KCNH1: variants seen among roughly 807,000 people sequenced by gnomAD.
KCNH1 encodes the protein voltage-gated delayed rectifier potassium channel KCNH1.
KCNH1 carries 27 observed loss-of-function variants against 69.2 expected under a neutral mutation model. The observed-to-expected ratio is 0.39, with a 90% confidence interval of 0.29 to 0.54. KCNH1 has a LOEUF of 0.54. Among genes scored for constraint, KCNH1 ranks in the 20% least tolerant of loss-of-function variants. The pLI is 0.68. For synonymous variants in KCNH1, 456 were observed against 487.7 expected (o/e 0.93, Z 0.86); for missense variants, 798 against 1,261.6 (o/e 0.63, Z 5.57).
chr1:210,918,326 G>C (rs1282084235), intron 7 of KCNH1, among the ~76,000 whole-genome samples: 1 of 152,130 alleles, frequency 6.6e-6, no homozygotes. Flanking sequence ...AAACAAGAAC[G>C]CAAGAGTCTT....
intron 10 of KCNH1, among the ~76,000 whole-genome samples, chr1:210,687,103 CA>C (rs1312531589): frequency 2.0e-5 from 3 of 152,206 alleles, no homozygotes; most frequent in African/African-American, 4.8e-5. Context: ...CATCAAAGGT[CA>C]GGGGCAGCCT....
At chr1:210,932,738 C>T (rs1432379293) in intron 6 of KCNH1, among the ~76,000 whole-genome samples, 1 of 151,870 alleles carries the variant, frequency 6.6e-6, no homozygotes, top group Non-Finnish European at 1.5e-5. Flanking sequence ...AAACTTTAAG[C>T]CAAAAACTGT....
At chr1:210,963,213 T>TA (rs1244848821) in intron 6 of KCNH1, among the ~76,000 whole-genome samples, 293 of 151,164 alleles carry the variant, frequency 1.9e-3, no homozygotes, top group African/African-American at 6.0e-3. Context: ...GAAGGAAAAC[T>TA]AAAAAAAACA....
rs61235458 is a variant in KCNH1, at chr1:210,869,484, C to CGTGTGTGTGT, written c.1462+50146_1462+50155dup. Among the ~76,000 whole-genome samples the CGTGTGTGTGT allele has an allele frequency of 1.8e-4, 25 of 137,018 alleles. 1 individual carries two copies. In the East Asian group the frequency reaches 2.5e-3, roughly 14 times the overall value. The allele number at this position is 137,018 out of a possible 152,430, so 89.9% of individuals were successfully genotyped here. A position where few individuals can be genotyped will look rare whatever the true frequency, so the allele number is the denominator to read the frequency against. On this transcript the variant is annotated intron_variant, in intron 7 of 10. Coordinates refer to ENST00000271751, the MANE Select transcript of KCNH1 (RefSeq NM_172362.3). Reference sequence around the variant, plus strand: ...ACTGATTTTTCTCCTAGTTATAAGTCGTGTGTGTGTGTGTGTGTGTGTGTG... The same window carrying CGTGTGTGTGT: ...ACTGATTTTTCTCCTAGTTATAAGTCGTGTGTGTGTGTGTGTGTGTGTGTGTGTGTGTGTG...
At chr1:211,006,368 C>G (rs949601529) in intron 6 of KCNH1, among the ~76,000 whole-genome samples, 2 of 152,160 alleles carry the variant, frequency 1.3e-5, no homozygotes, top group Non-Finnish European at 2.9e-5. Context: ...CAAACAATAA[C>G]AATGAACTAA....
intron 5 of KCNH1, among the ~76,000 whole-genome samples, chr1:211,068,204 C>T (rs1416097935): frequency 6.6e-6 from 1 of 152,164 alleles, no homozygotes; most frequent in Non-Finnish European, 1.5e-5. Context: ...AGTCTCCATA[C>T]TCTTATTCAG....
intron 6 of KCNH1, among the ~76,000 whole-genome samples, chr1:210,957,672 C>G (rs1457952927): frequency 6.6e-6 from 1 of 152,074 alleles, no homozygotes; most frequent in East Asian, 1.9e-4. Context: ...TATGAAATGG[C>G]CTTCTTTATC....
intron 3 of KCNH1, among the ~76,000 whole-genome samples, chr1:211,097,856 T>C (rs1033830156): frequency 5.3e-5 from 8 of 152,306 alleles, no homozygotes; most frequent in African/African-American, 1.2e-4. Flanking sequence ...CACCACAAAT[T>C]GTGGAGTCAC....
chr1:211,026,400 C>T (rs7540154), intron 5 of KCNH1, among the ~76,000 whole-genome samples: 1 of 139,008 alleles, frequency 7.2e-6, no homozygotes. Context: ...AAAAAACAAC[C>T]ACAACAACAA....
At chr1:211,102,286 T>C (rs535125996) in intron 3 of KCNH1, among the ~76,000 whole-genome samples, 5 of 152,340 alleles carry the variant, frequency 3.3e-5, no homozygotes, top group South Asian at 2.1e-4. Context: ...TTATGACACA[T>C]GTGCAGACCA....
intron 6 of KCNH1, among the ~76,000 whole-genome samples, chr1:211,004,188 T>C (rs899703037): frequency 1.3e-5 from 2 of 152,164 alleles, no homozygotes; most frequent in Non-Finnish European, 2.9e-5. Context: ...AAAGGTATTT[T>C]TCAGACAAAC....
chr1:211,043,744 T>C (rs2102434091), intron 5 of KCNH1, among the ~76,000 whole-genome samples: 1 of 152,194 alleles, frequency 6.6e-6, no homozygotes, highest in East Asian at 1.9e-4. Context: ...AATCCACCAT[T>C]ATCAAGTGGG....
intron 10 of KCNH1, among the ~76,000 whole-genome samples, chr1:210,695,858 C>G (rs371288613): frequency 2.6e-5 from 4 of 152,226 alleles, no homozygotes; most frequent in African/African-American, 9.6e-5. Flanking sequence ...TGGCTGGGCA[C>G]TGGCCAGTCA....
intron 5 of KCNH1, among the ~76,000 whole-genome samples, chr1:211,078,460 A>G (rs925311110): frequency 6.6e-6 from 1 of 152,208 alleles, no homozygotes; most frequent in Non-Finnish European, 1.5e-5. Flanking sequence ...CAGGATTAAG[A>G]AACTCACTCA....
chr1:210,871,647 C>T (rs1236481142), intron 7 of KCNH1, among the ~76,000 whole-genome samples: 36 of 151,888 alleles, frequency 2.4e-4, no homozygotes, highest in Admixed American at 2.2e-3. Flanking sequence ...GACTTGGAAC[C>T]AATCCAAATG....
At chr1:210,781,588 C>T (rs1040690935) in intron 9 of KCNH1, among the ~76,000 whole-genome samples, 4 of 152,144 alleles carry the variant, frequency 2.6e-5, no homozygotes, top group African/African-American at 9.7e-5. Context: ...ATTAATCTTT[C>T]CAGGCAAGCC....
chr1:210,745,702 C>T (rs1683135052), intron 10 of KCNH1, among the ~76,000 whole-genome samples: 2 of 152,194 alleles, frequency 1.3e-5, no homozygotes, highest in Admixed American at 6.5e-5. Context: ...CACCCGCCCC[C>T]AAGCAGTGCT....
At chr1:210,820,299 T>C (rs972577961) in intron 7 of KCNH1, among the ~76,000 whole-genome samples, 1 of 152,146 alleles carries the variant, frequency 6.6e-6, no homozygotes, top group Non-Finnish European at 1.5e-5. Flanking sequence ...CTTTTAATAA[T>C]CCTAATTCCT....
intron 7 of KCNH1, among the ~76,000 whole-genome samples, chr1:210,805,673 T>G (rs1290920718): frequency 6.6e-6 from 1 of 152,226 alleles, no homozygotes; most frequent in East Asian, 1.9e-4. Context: ...TACAGAGTTG[T>G]GTAACCATCA....
Sources: gnomAD v4.1 joint callset for allele counts (sites outside exome capture counted in the v4.1 genomes callset) on GRCh38, gnomAD v4.1.1 for gene constraint, MANE v1.5 for transcripts, NCBI Gene and HGNC (gene_info 2026-07-23, HGNC 2026-07-21) for gene names.